DLG2: variants seen among roughly 807,000 people sequenced by gnomAD.
DLG2 encodes disks large homolog 2.
A neutral mutation model predicts 132.5 loss-of-function variants in DLG2; 45 were observed. That is an observed-to-expected ratio of 0.34 (90% CI 0.27 to 0.44). The LOEUF is 0.44. Among genes scored for constraint, DLG2 ranks in the 20% least tolerant of loss-of-function variants. The pLI, the probability that DLG2 is intolerant of heterozygous loss-of-function variation, is 1.00. For missense variants in DLG2, 1,045 were observed against 1,196.9 expected (o/e 0.87, Z 1.87); for synonymous variants, 424 against 419.6 (o/e 1.01, Z -0.13).
Position 83,469,287 on chromosome 11 carries a change from G to T in DLG2, c.2533C>A (p.Gln845Lys). The T allele has an allele frequency of 6.2e-7, 1 of 1,613,564 alleles. No individual in the cohort carries two copies. Among genetic ancestry groups the T allele is most frequent in the East Asian group, 2.2e-5 (1 of 44,844 alleles). The change falls in exon 25 of 28, where the codon CAA becomes AAA. Residue 845 changes from glutamine to lysine, a missense_variant. This residue lies in a region of DLG2 where 398 missense variants were observed against 543.6 expected (regional missense o/e 0.73). Transcript: ENST00000376104. Reference protein sequence around the residue: ...ISREQMEKDIQEHKFIEAGQY... With the variant: ...ISREQMEKDIKEHKFIEAGQY... ...CCGGCTTCTATAAACTTGTGCTCTT[G>T]GATATCTTTCTCCATTTGTTCTCTG... is the stretch of plus-strand genomic sequence containing the variant.
intron 7 of DLG2, among the ~76,000 whole-genome samples, chr11:84,371,824 C>A (rs184599639): frequency 7.1e-4 from 108 of 152,220 alleles, no homozygotes; most frequent in Admixed American, 6.7e-3. Context: ...ATATCTCCTG[C>A]ATGGTATATA....
chr11:83,685,905 C>T (rs1010131725), intron 18 of DLG2, among the ~76,000 whole-genome samples: 1 of 152,096 alleles, frequency 6.6e-6, no homozygotes, highest in African/African-American at 2.4e-5. Flanking sequence ...GTTGCTCTGG[C>T]CAAAAACCTG....
intron 6 of DLG2, among the ~76,000 whole-genome samples, chr11:84,895,664 G>T (rs945436784): frequency 1.3e-5 from 2 of 152,052 alleles, no homozygotes; most frequent in Admixed American, 1.3e-4. Context: ...TATTGTAAGG[G>T]GAGTTTCACA....
At chr11:85,256,127 CT>C (rs902561613) in intron 4 of DLG2, among the ~76,000 whole-genome samples, 2 of 152,114 alleles carry the variant, frequency 1.3e-5, no homozygotes, top group African/African-American at 2.4e-5. Context: ...CAGATGTTGC[CT>C]TTTGGCCAGC....
At chr11:84,678,940 C>A (rs2099721830) in intron 6 of DLG2, among the ~76,000 whole-genome samples, 1 of 151,928 alleles carries the variant, frequency 6.6e-6, no homozygotes, top group African/African-American at 2.4e-5. Flanking sequence ...TAATGTATGG[C>A]TATGTAAATT....
At chr11:85,400,205 A>C (rs2087909579) in intron 3 of DLG2, among the ~76,000 whole-genome samples, 2 of 152,076 alleles carry the variant, frequency 1.3e-5, no homozygotes, top group South Asian at 4.1e-4. Flanking sequence ...TGGCCATCAG[A>C]GAAATGCAAA....
intron 18 of DLG2, among the ~76,000 whole-genome samples, chr11:83,704,813 C>T (rs997799954): frequency 3.9e-5 from 6 of 152,000 alleles, no homozygotes; most frequent in East Asian, 3.9e-4. Context: ...GGCGACAGAG[C>T]GAGACTCCAT....
intron 6 of DLG2, among the ~76,000 whole-genome samples, chr11:85,081,669 T>C (rs759184298): frequency 6.6e-6 from 1 of 152,156 alleles, no homozygotes; most frequent in Non-Finnish European, 1.5e-5. Context: ...GGTCCAATTA[T>C]GAGCTTTTTA....
At chr11:83,903,273 A>G (rs1385890939) in intron 15 of DLG2, among the ~76,000 whole-genome samples, 1 of 152,116 alleles carries the variant, frequency 6.6e-6, no homozygotes. Context: ...ACTCTCTACT[A>G]GGTAACAAAT....
intron 17 of DLG2, among the ~76,000 whole-genome samples, chr11:83,812,204 C>T (rs2047483038): frequency 6.6e-6 from 1 of 152,132 alleles, no homozygotes; most frequent in African/African-American, 2.4e-5. Context: ...TCCCCAGTTA[C>T]AGGGCATTTT....
chr11:85,211,909 G>T (rs1044919622), intron 4 of DLG2, among the ~76,000 whole-genome samples: 1 of 151,896 alleles, frequency 6.6e-6, no homozygotes, highest in African/African-American at 2.4e-5. Context: ...TATCTCCATT[G>T]CCTGGCAAGG....
intron 7 of DLG2, among the ~76,000 whole-genome samples, chr11:84,476,203 C>A (rs1455595894): frequency 6.6e-6 from 1 of 152,116 alleles, no homozygotes; most frequent in Admixed American, 6.6e-5. Flanking sequence ...AGCAGCAGTT[C>A]AACTCACATC....
chr11:84,685,929 C>T (rs980331228), intron 6 of DLG2, among the ~76,000 whole-genome samples: 1 of 152,246 alleles, frequency 6.6e-6, no homozygotes, highest in South Asian at 2.1e-4. Flanking sequence ...CCTCGTGATC[C>T]GCCTGCCTCG....
At chr11:85,122,949 T>TTATATATATATTATATATATATATATATA (rs1555376285) in intron 5 of DLG2, among the ~76,000 whole-genome samples, 1 of 48,166 alleles carries the variant, frequency 2.1e-5, no homozygotes, top group African/African-American at 1.0e-4. Flanking sequence ...TGTATATATA[T>TTATATATATATTATATATATATATATATA]TATATATATA....
chr11:85,252,250 G>GA (rs767259585), intron 4 of DLG2, among the ~76,000 whole-genome samples: 6 of 152,206 alleles, frequency 3.9e-5, no homozygotes, highest in Non-Finnish European at 7.3e-5. Flanking sequence ...GCGTAAGATA[G>GA]AAAGGGATCT....
chr11:84,767,624 A>ATTTTTTT (rs35174714), intron 6 of DLG2, among the ~76,000 whole-genome samples: 1 of 148,522 alleles, frequency 6.7e-6, no homozygotes, highest in Non-Finnish European at 1.5e-5. Context: ...TCCTGTCAAG[A>ATTTTTTT]TTTTTTTTTT....
intron 6 of DLG2, among the ~76,000 whole-genome samples, chr11:84,969,487 G>A (rs2053774486): frequency 6.6e-6 from 1 of 152,036 alleles, no homozygotes; most frequent in South Asian, 2.1e-4. Flanking sequence ...AATCTTTTTT[G>A]GAAAATCTCC....
chr11:83,984,211 T>C (rs1466382740), intron 11 of DLG2, among the ~76,000 whole-genome samples: 1 of 151,656 alleles, frequency 6.6e-6, no homozygotes, highest in African/African-American at 2.4e-5. Flanking sequence ...GATAGATAGA[T>C]AGATAGATAG....
intron 3 of DLG2, among the ~76,000 whole-genome samples, chr11:85,591,857 T>G (rs920196582): frequency 2.0e-5 from 3 of 152,232 alleles, no homozygotes; most frequent in African/African-American, 7.2e-5. Context: ...GTTTAATGCT[T>G]GTCTCCCCAG....
Sources: gnomAD v4.1 joint callset for allele counts (sites outside exome capture counted in the v4.1 genomes callset) on GRCh38, gnomAD v4.1.1 for gene constraint, gnomAD v4.1.1 regional missense constraint, MANE v1.5 for transcripts, NCBI Gene and HGNC (gene_info 2026-07-23, HGNC 2026-07-21) for gene names.